The following NEMF variants were observed in gnomAD, a reference collection of about 807,000 sequenced individuals.
The protein encoded by NEMF is nuclear export mediator factor, also known as ribosome quality control complex subunit NEMF.
Under a neutral mutation model 162.2 loss-of-function variants are expected in NEMF, and 89 were observed. The observed-to-expected ratio is 0.55, with a 90% CI of 0.46 to 0.65. The LOEUF is 0.65. Among genes scored for constraint, NEMF ranks in the 30% least tolerant of loss-of-function variants. NEMF has a pLI of 0.00. For synonymous variants in NEMF, 421 were observed against 404.5 expected (o/e 1.04, Z -0.49); for missense variants, 1,133 against 1,261.9 (o/e 0.90, Z 1.55).
chr14:49,797,791 A>ATT (rs1236362167), intron 25 of NEMF, among the ~76,000 whole-genome samples: 3 of 152,262 alleles, frequency 2.0e-5, no homozygotes, highest in African/African-American at 7.2e-5. Flanking sequence ...AAAAGGTCTT[A>ATT]TTAGAGCTAG....
intron 28 of NEMF, 168 bp from the exon 29 acceptor site, chr14:49,786,918 C>T (rs551023412): frequency 1.7e-5 from 10 of 595,584 alleles, no homozygotes; most frequent in African/African-American, 9.3e-5. Context: ...GAAGTGGATT[C>T]GTATATGTGT....
At position 49,782,997 on chromosome 14, in the gene NEMF, T is replaced by TA. The variant is rs1332331213; in HGVS notation, c.*1638_*1639insT. On this transcript the variant is annotated 3_prime_UTR_variant, in exon 33 of 33. Transcript: ENST00000298310. ...TATGATCACCTTGCATGGACAGCAA[T>TA]CCTGTAAACATCACAGAGTGGCATC... 1 of 1,585,496 alleles carries TA rather than the reference T, an allele frequency of 6.3e-7. No homozygotes were observed. Among genetic ancestry groups the TA allele is most frequent in the East Asian group, 2.3e-5 (1 of 44,376 alleles).
rs1240139191 is a variant in NEMF at position 49,821,670 on chromosome 14, G to A, written c.1577+4197C>T. ...AGCCCCCCGCCCGGCCAGCCGCCCC[G>A]TCCGGGAGGGAGGTGGGGGGCTCAG... On this transcript the variant is annotated intron_variant, in intron 16 of 32. Transcript: ENST00000298310. Among the ~76,000 whole-genome samples the A allele has an allele frequency of 8.5e-5, 11 of 129,210 alleles. 2 individuals are homozygous for A. The highest frequency in any genetic ancestry group is 4.6e-3 in the Middle Eastern group (1 of 216). The allele number at this position is 129,210 out of a possible 152,430, so 84.8% of individuals were successfully genotyped here.
At chr14:49,845,075 A>AAGTTAGTT (rs34544224) in intron 4 of NEMF, among the ~76,000 whole-genome samples, 3,293 of 149,280 alleles carry the variant, frequency 0.022, 140 homozygotes, top group African/African-American at 0.077. Flanking sequence ...GGCCCAGATT[A>AAGTTAGTT]AGTTAGTTAG....
chr14:49,785,170 C>T (rs8009346), intron 30 of NEMF, 35 bp from the exon 31 acceptor site: 1,590,472 of 1,600,438 alleles, frequency 0.99, 790,795 homozygotes, highest in East Asian at 1. Context: ...ACTAAATAGA[C>T]GTTACAAAAC....
rs540270515 is a variant in NEMF at position 49,795,870 on chromosome 14, T to C, written c.2540A>G (p.Glu847Gly). ...EALEGKDKEK[E>G]STVHIETHQN... ...ATGAGTTTCAATGTGTACAGTACTT[T>C]CTTTTTCTTTATCCTTTCCCTCTAA... The change falls in exon 26 of 33, where the codon GAA becomes GGA. Residue 847 changes from glutamate (E) to glycine (G), a missense_variant. Coordinates refer to ENST00000298310, the MANE Select transcript of NEMF (RefSeq NM_004713.6). The C allele has an allele frequency of 2.9e-5, 47 of 1,613,572 alleles. No individual in the cohort carries two copies. The highest frequency in any genetic ancestry group is 3.6e-5 in the Non-Finnish European group (43 of 1,179,706).
chr14:49,800,674 A>G lies in NEMF; in HGVS notation c.2118T>C (p.Asp706=). 1 of 1,613,766 alleles carries G rather than the reference A, an allele frequency of 6.2e-7. No homozygotes were observed. The highest frequency in any genetic ancestry group is 8.5e-7 in the Non-Finnish European group (1 of 1,179,934). Residue 706 remains aspartate (D), a synonymous_variant, in exon 23 of 33, where the codon GAT becomes GAC. Coordinates refer to ENST00000298310, the MANE Select transcript of NEMF (RefSeq NM_004713.6). ...EQLDGGDTSS[D]EDKEEHETPV... ...GAGTTTCATGTTCTTCTTTATCCTC[A>G]TCACTGCTCGTGTCACCTCCATCTG...
chr14:49,782,224 T>G lies in NEMF; in HGVS notation c.*2412A>C, dbSNP rs1889938555. On this transcript the variant is annotated 3_prime_UTR_variant, in exon 33 of 33. Transcript: ENST00000298310. ...ATTGATTGATCTGCTTTTGCTACTT[T>G]CCCTTAAGATTTTACTTCTCGCCAT... 1.8e-6 allele frequency: 1 copy of G among 549,080 alleles called. No homozygotes were observed. The highest frequency in any genetic ancestry group is 3.6e-5 in the Admixed American group (1 of 28,104). 34.0% of individuals were successfully genotyped at this position (549,080 alleles called of 1,614,324 possible). A position where few individuals can be genotyped will look rare whatever the true frequency, so the allele number is the denominator to read the frequency against.
chr14:49,850,693 T>C (rs1463639300), intron 3 of NEMF, among the ~76,000 whole-genome samples: 1 of 151,516 alleles, frequency 6.6e-6, no homozygotes, highest in East Asian at 1.9e-4. Context: ...TAGTAACATA[T>C]TAATGTCAGT....
chr14:49,846,232 T>C lies in NEMF; in HGVS notation c.265A>G (p.Ser89Gly), dbSNP rs1383674476. 1 of 1,613,162 alleles carries C rather than the reference T, an allele frequency of 6.2e-7. No homozygotes were observed. Among genetic ancestry groups the C allele is most frequent in the Non-Finnish European group, 8.5e-7 (1 of 1,179,758 alleles). The change falls in exon 4 of 33, where the codon AGT becomes GGT. Residue 89 changes from serine (S) to glycine (G), a missense_variant. Ser to Gly is a moderately conservative substitution (Grantham distance 56, BLOSUM62 0). Coordinates refer to ENST00000298310, the MANE Select transcript of NEMF (RefSeq NM_004713.6). ...CTATCCACACCAAGCTGTTTTGCAC[T>C]GACTAATCTCCGACTCTTCAAATGT... ...RKHLKSRRLV[S>G]AKQLGVDRIV... is the part of the protein sequence containing the mutation.
At chr14:49,798,799 C>T (rs565307185) in intron 25 of NEMF, among the ~76,000 whole-genome samples, 3 of 151,988 alleles carry the variant, frequency 2.0e-5, no homozygotes, top group Admixed American at 1.3e-4. Context: ...CCCAGCTACT[C>T]GGGAGGCTGA....
At chr14:49,791,053 T>C (rs2139830381) in intron 26 of NEMF, among the ~76,000 whole-genome samples, 1 of 152,254 alleles carries the variant, frequency 6.6e-6, no homozygotes, top group African/African-American at 2.4e-5. Context: ...ATGAGCCTTC[T>C]GGCTGGGCGC....
At chr14:49,839,983 AC>A (rs1893113902) in intron 5 of NEMF, among the ~76,000 whole-genome samples, 1 of 152,158 alleles carries the variant, frequency 6.6e-6, no homozygotes, top group Non-Finnish European at 1.5e-5. Context: ...ACAAAGCAAG[AC>A]CCCATGTCTA....
Position 49,832,197 on chromosome 14 carries a change from A to AT in NEMF, c.806+9dup, listed in dbSNP as rs778924882. 3 of 1,605,422 alleles carry AT rather than the reference A, an allele frequency of 1.9e-6. No individual in the cohort carries two copies. The highest frequency in any genetic ancestry group is 1.7e-6 in the Non-Finnish European group (2 of 1,174,990). On this transcript the variant is annotated intron_variant, in intron 9 of 32. Transcript: ENST00000298310. ...ATCCAAAGCAAATTGACCCATGCCT[A>AT]TATGCTTACGTCAGTATGTCTTCAA... is the stretch of plus-strand genomic sequence containing the variant.
At chr14:49,828,414 T>A in intron 14 of NEMF, 60 bp from the exon 15 acceptor site, 3 of 1,136,140 alleles carry the variant, frequency 2.6e-6, no homozygotes. Flanking sequence ...GTTTTCTACT[T>A]AGTTCTAACT....
intron 25 of NEMF, among the ~76,000 whole-genome samples, chr14:49,796,576 T>C (rs4243565): frequency 0.77 from 116,454 of 152,122 alleles, 45,254 homozygotes; most frequent in East Asian, 0.98. Flanking sequence ...GTCTCAAACT[T>C]CTGACCTCAG....
At position 49,784,522 on chromosome 14, in the gene NEMF, A is replaced by C; in HGVS notation, c.*114T>G. ...GTCCTTTTGGTGAATATAGCAAGGCAATGTTTAGTTCATTTTTATAATGCG... is the reference window on the plus strand; with the variant it reads ...GTCCTTTTGGTGAATATAGCAAGGCCATGTTTAGTTCATTTTTATAATGCG... On this transcript the variant is annotated 3_prime_UTR_variant, in exon 33 of 33. Transcript: ENST00000298310. 1 of 709,270 alleles carries C rather than the reference A, an allele frequency of 1.4e-6. No individual in the cohort carries two copies. The highest frequency in any genetic ancestry group is 2.4e-6 in the Non-Finnish European group (1 of 417,694). 43.9% of individuals were successfully genotyped at this position (709,270 alleles called of 1,614,324 possible). A position where few individuals can be genotyped will look rare whatever the true frequency, so the allele number is the denominator to read the frequency against.
chr14:49,844,113 A>G (rs1893350305), intron 4 of NEMF, among the ~76,000 whole-genome samples: 1 of 150,990 alleles, frequency 6.6e-6, no homozygotes. Context: ...AAAAAAAACC[A>G]AAACAAAACA....
At chr14:49,799,164 C>A (rs1001298160) in intron 25 of NEMF, among the ~76,000 whole-genome samples, 3 of 121,096 alleles carry the variant, frequency 2.5e-5, no homozygotes, top group Admixed American at 1.1e-4. Flanking sequence ...GCCATGACTG[C>A]GCCATAGCAC....
Sources: allele counts gnomAD v4.1 joint callset (sites outside exome capture counted in the v4.1 genomes callset), GRCh38; gene constraint gnomAD v4.1.1; transcripts MANE v1.5; gene names NCBI Gene and HGNC (gene_info 2026-07-23, HGNC 2026-07-21).